ALPK1: variants seen among roughly 807,000 people sequenced by gnomAD.
The protein encoded by ALPK1 is alpha-protein kinase 1.
ALPK1 carries 110 observed loss-of-function variants against 120.6 expected under a neutral mutation model. The observed-to-expected ratio is 0.91, with a 90% CI of 0.78 to 1.07. The LOEUF is 1.07. Ranked by LOEUF, ALPK1 falls within the 50% of genes least tolerant of loss-of-function variation. The probability of loss-of-function intolerance (pLI) is 0.00; values close to 1 mark genes in which losing one functional copy is unlikely to be tolerated. For missense variants in ALPK1, 1,498 were observed against 1,483.9 expected (o/e 1.01, Z -0.16); for synonymous variants, 582 against 560.3 (o/e 1.04, Z -0.55).
At chr4:112,360,380 A>T (rs1406621870) in intron 2 of ALPK1, among the ~76,000 whole-genome samples, 1 of 152,174 alleles carries the variant, frequency 6.6e-6, no homozygotes, top group Admixed American at 6.5e-5. Context: ...TAATGCGGCC[A>T]TGAATATGGA....
At chr4:112,320,901 T>C (rs965294408) in intron 2 of ALPK1, among the ~76,000 whole-genome samples, 61 of 148,168 alleles carry the variant, frequency 4.1e-4, no homozygotes, top group African/African-American at 1.4e-3. Flanking sequence ...TTCTTTCTTT[T>C]TTTTTTTTTT....
chr4:112,399,527 G>C (rs1235837319), intron 4 of ALPK1, among the ~76,000 whole-genome samples: 1 of 152,154 alleles, frequency 6.6e-6, no homozygotes, highest in Non-Finnish European at 1.5e-5. Flanking sequence ...AAGGGCAGCA[G>C]AGAAATGGGA....
intron 5 of ALPK1, among the ~76,000 whole-genome samples, chr4:112,416,603 G>A (rs1733757075): frequency 6.6e-6 from 1 of 152,144 alleles, no homozygotes; most frequent in Non-Finnish European, 1.5e-5. Context: ...GCCAGGCATG[G>A]TGACTCACAC....
chr4:112,434,592 A>G (rs746664335), intron 11 of ALPK1, among the ~76,000 whole-genome samples: 1 of 152,064 alleles, frequency 6.6e-6, no homozygotes, highest in Non-Finnish European at 1.5e-5. Flanking sequence ...TTTTCCTCTT[A>G]TGTTTTCCTT....
intron 2 of ALPK1, among the ~76,000 whole-genome samples, chr4:112,344,627 G>A (rs1730027250): frequency 6.6e-6 from 1 of 152,154 alleles, no homozygotes; most frequent in Non-Finnish European, 1.5e-5. Context: ...TAAGTAGGCT[G>A]GAAGGCAAAT....
intron 2 of ALPK1, among the ~76,000 whole-genome samples, chr4:112,338,190 C>G (rs1729707022): frequency 6.6e-6 from 1 of 152,210 alleles, no homozygotes; most frequent in African/African-American, 2.4e-5. Flanking sequence ...CAGTCTCGAA[C>G]TCCTGACTTC....
At chr4:112,352,575 A>G (rs1730408515) in intron 2 of ALPK1, 1 of 152,166 alleles carries the variant, frequency 6.6e-6, no homozygotes, top group Non-Finnish European at 1.5e-5. Context: ...ACCTAATACA[A>G]TGTAAATGCT....
At chr4:112,399,961 G>C (rs943085263) in intron 4 of ALPK1, among the ~76,000 whole-genome samples, 2 of 152,158 alleles carry the variant, frequency 1.3e-5, no homozygotes, top group South Asian at 4.1e-4. Flanking sequence ...GTATTCCATG[G>C]TGTATATGTA....
intron 10 of ALPK1, among the ~76,000 whole-genome samples, chr4:112,429,857 A>AAAAG (rs1734454416): frequency 1.4e-5 from 2 of 144,944 alleles, no homozygotes; most frequent in Non-Finnish European, 3.0e-5. Flanking sequence ...AAAAAAAAGA[A>AAAAG]AAGAAAAGAG....
chr4:112,434,070 T>C (rs182641652), intron 11 of ALPK1, among the ~76,000 whole-genome samples: 9 of 152,260 alleles, frequency 5.9e-5, no homozygotes, highest in African/African-American at 1.7e-4. Flanking sequence ...AGCAATAGGG[T>C]TTTCTTACTA....
chr4:112,317,666 CT>C (rs916944980), intron 2 of ALPK1, among the ~76,000 whole-genome samples: 1 of 151,850 alleles, frequency 6.6e-6, no homozygotes. Flanking sequence ...TCCAATTTTC[CT>C]TTTTTTCAAA....
At position 112,382,415 on chromosome 4, in the gene ALPK1, T is replaced by A; in HGVS notation, c.139T>A (p.Leu47Ile). 1 of 1,613,382 alleles carries A rather than the reference T, an allele frequency of 6.2e-7. No individual in the cohort carries two copies. The highest frequency in any genetic ancestry group is 8.5e-7 in the Non-Finnish European group (1 of 1,179,874). The part of the protein sequence containing the change: ...QRCRALLPSE[L>I]RTLIQEAKEM... Reference sequence around the variant, plus strand: ...CTTTTCAGCTTTACTCCCCAGCGAGTTAAGGACCCTGATCCAGGAGGCAAA... The same window carrying A: ...CTTTTCAGCTTTACTCCCCAGCGAGATAAGGACCCTGATCCAGGAGGCAAA... The change falls in exon 4 of 16, where the codon TTA (leucine) becomes ATA (isoleucine). Residue 47 changes from leucine (L) to isoleucine (I), a missense_variant. Transcript: ENST00000650871.
intron 2 of ALPK1, 21 bp from the exon 3 acceptor site, chr4:112,377,657 T>C (rs779434469): frequency 1.3e-5 from 12 of 943,430 alleles, no homozygotes; most frequent in African/African-American, 1.7e-5. Flanking sequence ...TAATCATCTT[T>C]CCCTCTCTTT....
In ALPK1 at chr4:112,382,438, A is replaced by G. The variant is rs534072684; in HGVS notation, c.162A>G (p.Ala54=). The G allele has an allele frequency of 2.0e-5, 32 of 1,614,108 alleles. No homozygotes were observed. The South Asian group carries it at 3.4e-4, about 17-fold the overall frequency. The part of the protein sequence containing the change: ...PSELRTLIQE[A]KEMKWPFVPE... ...AGTTAAGGACCCTGATCCAGGAGGC[A>G]AAGGAAATGAAGTGGCCCTTCGTGC... The change falls in exon 4 of 16, where the codon GCA becomes GCG. Residue 54 remains alanine (A), a synonymous_variant. Coordinates refer to ENST00000650871, the MANE Select transcript of ALPK1 (RefSeq NM_025144.4).
At chr4:112,358,009 G>A in intron 2 of ALPK1, 1 of 642,038 alleles carries the variant, frequency 1.6e-6, no homozygotes. Flanking sequence ...CTAGCGAGGG[G>A]CTGGACTTCT....
chr4:112,322,331 G>A (rs1374165093), intron 2 of ALPK1, among the ~76,000 whole-genome samples: 1 of 152,116 alleles, frequency 6.6e-6, no homozygotes, highest in Non-Finnish European at 1.5e-5. Context: ...TGTAGGCAGA[G>A]AATTTAATAC....
At position 112,429,400 on chromosome 4, in the gene ALPK1, T is replaced by C. The variant is rs976904988; in HGVS notation, c.900+147T>C. ...TTGTGATAAGACTCCACACCACATA[T>C]GGAAAAATTTTATTGGTCGGAGTTT... On this transcript the variant is annotated intron_variant, in intron 10 of 15. Coordinates refer to ENST00000650871, the MANE Select transcript of ALPK1 (RefSeq NM_025144.4). The C allele has an allele frequency of 3.2e-5, 20 of 630,182 alleles. No homozygotes were observed. The Admixed American group carries it at 3.8e-4, about 12-fold the overall frequency. 39.0% of individuals were successfully genotyped at this position (630,182 alleles called of 1,614,324 possible).
intron 4 of ALPK1, among the ~76,000 whole-genome samples, chr4:112,401,491 G>C (rs113186058): frequency 1.7e-4 from 26 of 152,330 alleles, no homozygotes; most frequent in African/African-American, 6.0e-4. Context: ...CCAACCATGA[G>C]AGTAGGTGAC....
In ALPK1 at chr4:112,430,873, T is replaced by C. The variant is rs748278540; in HGVS notation, c.1326T>C (p.Asp442=). Residue 442 remains aspartate, a synonymous_variant, in exon 11 of 16, where the codon GAT becomes GAC. Coordinates refer to ENST00000650871, the MANE Select transcript of ALPK1 (RefSeq NM_025144.4). ...YVPESFECRL[D]KLILHGQGDF... ...CCGAGAGTTTCGAGTGCAGGTTGGA[T>C]AAACTTATCTTGCATGGGCAAGGGG... The C allele has an allele frequency of 6.2e-7, 1 of 1,614,128 alleles. No homozygotes were observed. Among genetic ancestry groups the C allele is most frequent in the Non-Finnish European group, 8.5e-7 (1 of 1,179,958 alleles).
Sources: gnomAD v4.1 joint callset for allele counts (sites outside exome capture counted in the v4.1 genomes callset) on GRCh38, gnomAD v4.1.1 for gene constraint, MANE v1.5 for transcripts, NCBI Gene and HGNC (gene_info 2026-07-23, HGNC 2026-07-21) for gene names.